TMEM177: variants seen among roughly 807,000 people sequenced by gnomAD.
TMEM177 encodes transmembrane protein 177.
In TMEM177, 4 loss-of-function variants were observed where a neutral mutation model predicts 14.2. The observed-to-expected ratio is 0.28, with a 90% CI of 0.14 to 0.64. The LOEUF (loss-of-function observed/expected upper bound fraction) is 0.64, where lower values mean the gene tolerates loss of function less well. Ranked by LOEUF, TMEM177 falls within the 30% of genes least tolerant of loss-of-function variation. The probability of loss-of-function intolerance (pLI) is 0.82; values close to 1 mark genes in which losing one functional copy is unlikely to be tolerated. For missense variants in TMEM177, 344 were observed against 405.2 expected, an observed-to-expected ratio of 0.85 and a Z score of 1.30; for synonymous variants, 179 against 174.5, an observed-to-expected ratio of 1.03 and a Z score of -0.20.
chr2:119,686,409 G>A (rs899352419), downstream of TMEM177: 1 of 152,106 alleles, frequency 6.6e-6, no homozygotes, highest in Non-Finnish European at 1.5e-5. Flanking sequence ...GCTTTTCAAA[G>A]CCCCAGTTCA....
At chr2:119,695,478 C>CCTGGGCACCTGG in the TMEM177 span, among the ~76,000 whole-genome samples, 1 of 152,250 alleles carries the variant, frequency 6.6e-6, no homozygotes, top group Non-Finnish European at 1.5e-5. Flanking sequence ...CTTCTTGCAT[C>CCTGGGCACCTGG]CTGGGCACCT....
At chr2:119,683,976 C>A (rs909957157), downstream of TMEM177, among the ~76,000 whole-genome samples, 1 of 149,622 alleles carries the variant, frequency 6.7e-6, no homozygotes, top group Non-Finnish European at 1.5e-5. Flanking sequence ...CAGTAGCTCT[C>A]GGCTCCATCC....
the TMEM177 span, among the ~76,000 whole-genome samples, chr2:119,693,744 T>G: frequency 6.6e-6 from 1 of 151,786 alleles, no homozygotes; most frequent in Non-Finnish European, 1.5e-5. Flanking sequence ...CTCCTGTGGG[T>G]GCCACGTGAC....
the TMEM177 span, among the ~76,000 whole-genome samples, chr2:119,717,006 C>G: frequency 4.6e-5 from 7 of 152,198 alleles, no homozygotes; most frequent in African/African-American, 1.2e-4. Flanking sequence ...TCTCTCCCCC[C>G]ACCCCTTTTT....
the TMEM177 span, chr2:119,700,141 G>A: frequency 7.4e-5 from 17 of 229,982 alleles, no homozygotes; most frequent in African/African-American, 2.3e-4. Flanking sequence ...AAACAAAAAC[G>A]TATGGCTCTG....
chr2:119,682,994 G>C (rs1024667627), downstream of TMEM177, among the ~76,000 whole-genome samples: 1 of 152,234 alleles, frequency 6.6e-6, no homozygotes, highest in African/African-American at 2.4e-5. Context: ...AGGGCAAGGT[G>C]AGGAGAGTTG....
At chr2:119,703,339 G>A in the TMEM177 span, among the ~76,000 whole-genome samples, 2 of 152,080 alleles carry the variant, frequency 1.3e-5, no homozygotes, top group African/African-American at 4.8e-5. Context: ...GGGGTTTCTC[G>A]CCTGAACTCT....
At chr2:119,687,771 T>A (rs117191773), downstream of TMEM177, among the ~76,000 whole-genome samples, 101 of 152,300 alleles carry the variant, frequency 6.6e-4, no homozygotes, top group East Asian at 0.019. Flanking sequence ...AACCTGTGCC[T>A]GGATTCCTGA....
chr2:119,711,430 G>T, the TMEM177 span, among the ~76,000 whole-genome samples: 2 of 152,130 alleles, frequency 1.3e-5, no homozygotes, highest in African/African-American at 4.8e-5. Flanking sequence ...TTTCAGTGCG[G>T]TAATATTCAC....
At chr2:119,690,644 G>A (rs1689079337), downstream of TMEM177, among the ~76,000 whole-genome samples, 1 of 152,186 alleles carries the variant, frequency 6.6e-6, no homozygotes, top group South Asian at 2.1e-4. Flanking sequence ...CATGCCACAC[G>A]GACGGCAGTG....
chr2:119,709,939 T>G, the TMEM177 span, among the ~76,000 whole-genome samples: 2 of 152,262 alleles, frequency 1.3e-5, no homozygotes, highest in Non-Finnish European at 2.9e-5. Context: ...TGTACGCACT[T>G]GTAAACCCAT....
chr2:119,721,625 C>T, the TMEM177 span, among the ~76,000 whole-genome samples: 2 of 152,104 alleles, frequency 1.3e-5, no homozygotes, highest in African/African-American at 4.8e-5. Context: ...TGTAGGGGAC[C>T]GTGCCCTTTA....
chr2:119,687,792 CAAG>C (rs567315447), downstream of TMEM177, among the ~76,000 whole-genome samples: 30 of 152,270 alleles, frequency 2.0e-4, 1 homozygote, highest in African/African-American at 6.7e-4. Flanking sequence ...CCCACAGAAA[CAAG>C]AAGACAATAA....
At chr2:119,680,511 G>C (rs1318142260) in intron 1 of TMEM177, among the ~76,000 whole-genome samples, 1 of 152,084 alleles carries the variant, frequency 6.6e-6, no homozygotes. Flanking sequence ...CCCAGCGATG[G>C]GAATAAAAGT....
At chr2:119,687,024 C>T (rs1689026576), downstream of TMEM177, among the ~76,000 whole-genome samples, 1 of 152,146 alleles carries the variant, frequency 6.6e-6, no homozygotes, top group African/African-American at 2.4e-5. Flanking sequence ...GTTCATAATC[C>T]ACTCCCCTTG....
chr2:119,696,149 G>A, the TMEM177 span, among the ~76,000 whole-genome samples: 1 of 152,320 alleles, frequency 6.6e-6, no homozygotes, highest in East Asian at 1.9e-4. Context: ...GTGAATTAAT[G>A]CATGAGTGAG....
chr2:119,715,500 A>G, the TMEM177 span, among the ~76,000 whole-genome samples: 1 of 152,038 alleles, frequency 6.6e-6, no homozygotes, highest in Non-Finnish European at 1.5e-5. Context: ...CACCCCCAGC[A>G]TGCCCCCACT....
chr2:119,682,348 C>T (rs1489005140), downstream of TMEM177, among the ~76,000 whole-genome samples: 1 of 152,110 alleles, frequency 6.6e-6, no homozygotes, highest in Non-Finnish European at 1.5e-5. Context: ...CACCAGGGTA[C>T]TAGCAGTTAT....
At chr2:119,684,034 C>G (rs1408310602), downstream of TMEM177, among the ~76,000 whole-genome samples, 2 of 152,134 alleles carry the variant, frequency 1.3e-5, no homozygotes, top group Non-Finnish European at 1.5e-5. Context: ...CCCAGTTCTC[C>G]CAGCTCCTGG....
Sources: gnomAD v4.1 joint callset for allele counts (sites outside exome capture counted in the v4.1 genomes callset) on GRCh38, gnomAD v4.1.1 for gene constraint, MANE v1.5 for transcripts, NCBI Gene and HGNC (gene_info 2026-07-23, HGNC 2026-07-21) for gene names.